The following DOCK4 variants were observed in gnomAD, a reference collection of about 807,000 sequenced individuals.
DOCK4 encodes dedicator of cytokinesis protein 4.
A neutral mutation model predicts 268.1 loss-of-function variants in DOCK4; 97 were observed. The ratio of observed to expected loss-of-function variants is 0.36; its 90% CI spans 0.31 to 0.43. The LOEUF is 0.43. DOCK4 is among the 20% of genes least tolerant of loss of function. The probability of loss-of-function intolerance (pLI) is 1.00; values close to 1 mark genes in which losing one functional copy is unlikely to be tolerated. For missense variants in DOCK4, 2,145 were observed against 2,455.7 expected, an observed-to-expected ratio of 0.87 and a Z score of 2.67; for synonymous variants, 954 against 887.2, an observed-to-expected ratio of 1.08 and a Z score of -1.34.
chr7:111,760,882 T>C (rs533656079), intron 39 of DOCK4, among the ~76,000 whole-genome samples: 2 of 151,926 alleles, frequency 1.3e-5, no homozygotes, highest in East Asian at 3.9e-4. Context: ...TTCCAAAAAG[T>C]ACCTGAATGA....
chr7:111,764,188 A>G (rs1402444225), intron 39 of DOCK4, among the ~76,000 whole-genome samples: 2 of 152,202 alleles, frequency 1.3e-5, no homozygotes, highest in East Asian at 3.9e-4. Flanking sequence ...TGATACTAAA[A>G]TGAACCTGTA....
chr7:111,969,213 A>G (rs916052962), intron 8 of DOCK4, among the ~76,000 whole-genome samples: 1 of 150,808 alleles, frequency 6.6e-6, no homozygotes, highest in Non-Finnish European at 1.5e-5. Flanking sequence ...AGTATAATAA[A>G]AAAAAAAAAA....
chr7:112,030,904 TACTC>T (rs1401494137), intron 1 of DOCK4, among the ~76,000 whole-genome samples: 1 of 152,208 alleles, frequency 6.6e-6, no homozygotes, highest in Non-Finnish European at 1.5e-5. Context: ...CTATGGCAAA[TACTC>T]AGGAAGAGGT....
chr7:111,729,538 AC>A (rs1794919926), intron 52 of DOCK4, among the ~76,000 whole-genome samples: 1 of 152,042 alleles, frequency 6.6e-6, no homozygotes, highest in African/African-American at 2.4e-5. Context: ...ACACAATGAG[AC>A]CCTGTCTCAA....
intron 1 of DOCK4, among the ~76,000 whole-genome samples, chr7:112,063,360 C>A (rs1003780808): frequency 6.6e-6 from 1 of 152,134 alleles, no homozygotes; most frequent in Non-Finnish European, 1.5e-5. Flanking sequence ...CCTGATAAAC[C>A]CATTGTAAAC....
rs143488893 is a variant in DOCK4, at chr7:111,837,890, C to T, written c.2737-3204G>A. Among the ~76,000 whole-genome samples, 390 of 151,748 alleles carry T rather than the reference C, an allele frequency of 2.6e-3. 5 individuals carry two copies. The highest frequency in any genetic ancestry group is 0.022 in the South Asian group (106 of 4,790). On this transcript the variant is annotated intron_variant, in intron 25 of 52. Transcript: ENST00000428084. The stretch of plus-strand genomic sequence containing the variant: ...TCACCTGAGGTCAGGAGTTTGAGAC[C>T]AACCTGGCCAACATGGTGAAACCTG...
rs183005335 is a variant in DOCK4 at position 112,121,410 on chromosome 7, T to C, written c.37+84692A>G. Among the ~76,000 whole-genome samples, 12 of 152,274 alleles carry C rather than the reference T, an allele frequency of 7.9e-5. No individual in the cohort carries two copies. The East Asian group carries it at 2.3e-3, about 29-fold the overall frequency. On this transcript the variant is annotated intron_variant, in intron 1 of 52. Coordinates refer to ENST00000428084, the MANE Select transcript of DOCK4 (RefSeq NM_001363540.2). ...AGGCTCCTAGTGCTTCTTACAAAGG[T>C]CCATCTCCATCAACAAAACGTTTAA...
Position 111,791,071 on chromosome 7 carries a change from TA to T in DOCK4, c.3167-467del, listed in dbSNP as rs1283709641. Among the ~76,000 whole-genome samples the T allele has an allele frequency of 1.1e-4, 4 of 37,044 alleles. No homozygotes were observed. In the Admixed American group the frequency reaches 1.2e-3, roughly 11 times the overall value. The allele number at this position is 37,044 out of a possible 152,430, so 24.3% of individuals were successfully genotyped here. ...AGACTCTGTCTCAAAAAAAAAAAAT[TA>T]TATATATATATATATATATATATAT... On this transcript the variant is annotated intron_variant, in intron 30 of 52. Transcript: ENST00000428084.
At position 111,728,241 on chromosome 7, in the gene DOCK4, A is replaced by T; in HGVS notation, c.*33T>A. 7.0e-7 allele frequency: 1 copy of T among 1,429,410 alleles called. No individual in the cohort carries two copies. Among genetic ancestry groups the T allele is most frequent in the Non-Finnish European group, 9.2e-7 (1 of 1,085,152 alleles). 88.5% of individuals were successfully genotyped at this position (1,429,410 alleles called of 1,614,324 possible). A position where few individuals can be genotyped will look rare whatever the true frequency, so the allele number is the denominator to read the frequency against. On this transcript the variant is annotated 3_prime_UTR_variant, in exon 53 of 53. Coordinates refer to ENST00000428084, the MANE Select transcript of DOCK4 (RefSeq NM_001363540.2). ...CATACTTCTTATTTTGTAAACGGGC[A>T]AAGAATGCATCGCAGGTACATAGAA...
chr7:111,776,403 T>A (rs996739845), intron 36 of DOCK4, among the ~76,000 whole-genome samples: 2 of 152,012 alleles, frequency 1.3e-5, no homozygotes, highest in African/African-American at 4.8e-5. Flanking sequence ...ATAACAAAAA[T>A]AAACGTCTCA....
chr7:111,777,111 G>A (rs1311152044), intron 36 of DOCK4, among the ~76,000 whole-genome samples: 4 of 152,312 alleles, frequency 2.6e-5, no homozygotes, highest in Non-Finnish European at 5.9e-5. Flanking sequence ...GAGCCACCAC[G>A]TCTGGCCTTG....
At chr7:112,167,510 A>C (rs80037810) in intron 1 of DOCK4, among the ~76,000 whole-genome samples, 5,412 of 152,316 alleles carry the variant, frequency 0.036, 310 homozygotes, top group African/African-American at 0.12. Flanking sequence ...AATGCCATGA[A>C]GAACATTAGG....
chr7:112,109,825 A>T (rs1210252362), intron 1 of DOCK4, among the ~76,000 whole-genome samples: 1 of 149,576 alleles, frequency 6.7e-6, no homozygotes, highest in Admixed American at 6.7e-5. Context: ...GCTCACTGCA[A>T]GCTCCGCCTC....
At chr7:112,081,622 G>A (rs561710322) in intron 1 of DOCK4, among the ~76,000 whole-genome samples, 45 of 152,150 alleles carry the variant, frequency 3.0e-4, no homozygotes, top group African/African-American at 8.2e-4. Context: ...CTTATTTTAC[G>A]TACTTTGTCA....
At chr7:111,732,630 GGT>G in intron 51 of DOCK4, 1 of 240,402 alleles carries the variant, frequency 4.2e-6, no homozygotes, top group Admixed American at 5.3e-5. Context: ...GGTGCTTTTA[GGT>G]GTGAGATGCT....
chr7:111,989,691 G>A (rs17159095), intron 5 of DOCK4, among the ~76,000 whole-genome samples: 4,327 of 152,188 alleles, frequency 0.028, 164 homozygotes, highest in East Asian at 0.15. Context: ...TGCTATTATC[G>A]GGCCAGTATT....
chr7:111,864,398 A>G (rs1044295115), intron 22 of DOCK4, among the ~76,000 whole-genome samples: 1 of 152,194 alleles, frequency 6.6e-6, no homozygotes, highest in African/African-American at 2.4e-5. Flanking sequence ...CAATGGAAGA[A>G]GAGTCGACTA....
chr7:112,036,653 T>C (rs1284850077), intron 1 of DOCK4, among the ~76,000 whole-genome samples: 1 of 120,618 alleles, frequency 8.3e-6, no homozygotes, highest in Non-Finnish European at 1.6e-5. Flanking sequence ...TCTTAGAGGA[T>C]TTCTTTTTTT....
At chr7:112,146,455 G>A (rs1236946122) in intron 1 of DOCK4, among the ~76,000 whole-genome samples, 1 of 152,230 alleles carries the variant, frequency 6.6e-6, no homozygotes, top group East Asian at 1.9e-4. Context: ...TTTGAAGCCA[G>A]GTGCAGTGGC....
Sources: gnomAD v4.1 joint callset for allele counts (sites outside exome capture counted in the v4.1 genomes callset) on GRCh38, gnomAD v4.1.1 for gene constraint, MANE v1.5 for transcripts, NCBI Gene and HGNC (gene_info 2026-07-23, HGNC 2026-07-21) for gene names.